Variants in EIF4G3 observed in about 807,000 individuals in gnomAD.
EIF4G3 encodes eukaryotic translation initiation factor 4 gamma 3.
EIF4G3 carries 34 observed loss-of-function variants against 186.4 expected under a neutral mutation model. That is an observed-to-expected ratio of 0.18 (90% CI 0.14 to 0.24). The LOEUF (loss-of-function observed/expected upper bound fraction) is 0.24, where lower values mean the gene tolerates loss of function less well. EIF4G3 is among the 10% of genes least tolerant of loss of function. EIF4G3 has a pLI of 1.00. For synonymous variants in EIF4G3, 673 were observed against 679.5 expected (o/e 0.99, Z 0.15); for missense variants, 1,536 against 1,948.5 (o/e 0.79, Z 3.99).
At chr1:20,922,588 C>T (rs1276048672) in intron 14 of EIF4G3, among the ~76,000 whole-genome samples, 3 of 152,214 alleles carry the variant, frequency 2.0e-5, no homozygotes, top group Non-Finnish European at 4.4e-5. Flanking sequence ...TGAGCCACCA[C>T]GTCCAGCATT....
intron 12 of EIF4G3, among the ~76,000 whole-genome samples, chr1:20,968,386 G>A (rs1331040182): frequency 6.6e-6 from 1 of 152,068 alleles, no homozygotes; most frequent in African/African-American, 2.4e-5. Flanking sequence ...CACCATGTTG[G>A]CTAGATTGGT....
intron 36 of EIF4G3, among the ~76,000 whole-genome samples, chr1:20,809,460 C>T (rs1054355226): frequency 6.6e-5 from 10 of 152,066 alleles, no homozygotes; most frequent in South Asian, 2.1e-4. Flanking sequence ...ATGTACTGCC[C>T]GCTTTAACAA....
chr1:21,101,419 G>A (rs2096517125), intron 2 of EIF4G3, among the ~76,000 whole-genome samples: 1 of 151,678 alleles, frequency 6.6e-6, no homozygotes, highest in Non-Finnish European at 1.5e-5. Context: ...AAATACAAAA[G>A]TTAGCCAGAC....
At position 20,886,297 on chromosome 1, in the gene EIF4G3, T is replaced by C. The variant is rs373808862; in HGVS notation, c.2328A>G (p.Val776=). 5 of 1,614,040 alleles carry C rather than the reference T, an allele frequency of 3.1e-6. No individual in the cohort carries two copies. The African/African-American group carries it at 6.7e-5, about 22-fold the overall frequency. Residue 776 remains valine, a synonymous_variant, in exon 19 of 37, where the codon GTA becomes GTG. Transcript: ENST00000602326. ...CCTTTTTCAGGTGTACATCTTCTTT[T>C]ACAGAAACTGTGATGATCTTTCTGG... is the stretch of plus-strand genomic sequence containing the variant. ...REPRKIITVS[V]KEDVHLKKAE... is the part of the protein sequence containing the mutation.
chr1:20,994,706 C>A (rs1249446022), intron 7 of EIF4G3, among the ~76,000 whole-genome samples: 1 of 148,874 alleles, frequency 6.7e-6, no homozygotes, highest in Non-Finnish European at 1.5e-5. Context: ...CACCTCACTG[C>A]AACTTTGACC....
chr1:20,943,692 C>T (rs549259050), intron 13 of EIF4G3, among the ~76,000 whole-genome samples: 1 of 152,124 alleles, frequency 6.6e-6, no homozygotes. Context: ...TGAGTCTTTA[C>T]AATAAATTGT....
At chr1:21,021,081 T>A (rs2090563674) in intron 4 of EIF4G3, among the ~76,000 whole-genome samples, 2 of 152,188 alleles carry the variant, frequency 1.3e-5, no homozygotes, top group African/African-American at 4.8e-5. Flanking sequence ...CCTCTCAGGT[T>A]CAAGCCATCC....
At chr1:20,996,887 A>G (rs1418585258) in intron 7 of EIF4G3, among the ~76,000 whole-genome samples, 1 of 152,194 alleles carries the variant, frequency 6.6e-6, no homozygotes, top group Non-Finnish European at 1.5e-5. Flanking sequence ...ATAAAAAGCT[A>G]CTGGGGGGTT....
At chr1:20,954,965 G>A (rs956841234) in intron 12 of EIF4G3, among the ~76,000 whole-genome samples, 8 of 152,194 alleles carry the variant, frequency 5.3e-5, no homozygotes, top group African/African-American at 1.9e-4. Flanking sequence ...GCATGTAGGA[G>A]GAAGGGCAGT....
At chr1:20,959,867 A>C (rs2096532385) in intron 12 of EIF4G3, among the ~76,000 whole-genome samples, 1 of 152,282 alleles carries the variant, frequency 6.6e-6, no homozygotes, top group South Asian at 2.1e-4. Flanking sequence ...CCATTATTAA[A>C]AAGTCAAAAA....
intron 13 of EIF4G3, among the ~76,000 whole-genome samples, chr1:20,946,396 C>T (rs1231363996): frequency 6.6e-6 from 1 of 152,156 alleles, no homozygotes; most frequent in Admixed American, 6.5e-5. Context: ...ACTATCAATA[C>T]CAAGCAAAAA....
Position 20,895,358 on chromosome 1 carries a change from C to T in EIF4G3, c.2133+10G>A, listed in dbSNP as rs546150229. ...AAAAAGAACTAGTTTTCTCTGAGTACGCAGCTTACCTTGTCAAGAACCACA... is the reference window on the plus strand; with the variant it reads ...AAAAAGAACTAGTTTTCTCTGAGTATGCAGCTTACCTTGTCAAGAACCACA... On this transcript the variant is annotated intron_variant, in intron 17 of 36. Coordinates refer to ENST00000602326, the MANE Select transcript of EIF4G3 (RefSeq NM_001391906.1). 2.7e-5 allele frequency: 43 copies of T among 1,610,670 alleles called. No homozygotes were observed. The highest frequency in any genetic ancestry group is 9.3e-5 in the African/African-American group (7 of 74,878).
intron 2 of EIF4G3, among the ~76,000 whole-genome samples, chr1:21,100,484 T>C (rs1366633940): frequency 1.3e-5 from 2 of 152,140 alleles, no homozygotes; most frequent in African/African-American, 4.8e-5. Context: ...GTTCTACCAC[T>C]CTCACCCCAG....
intron 10 of EIF4G3, among the ~76,000 whole-genome samples, chr1:20,978,454 C>A (rs1435080184): frequency 6.6e-6 from 1 of 152,112 alleles, no homozygotes; most frequent in Non-Finnish European, 1.5e-5. Flanking sequence ...CCCTTTTCTG[C>A]AATTTCAGTT....
At chr1:21,039,788 T>C (rs553676882) in intron 4 of EIF4G3, among the ~76,000 whole-genome samples, 25 of 152,048 alleles carry the variant, frequency 1.6e-4, no homozygotes, top group Non-Finnish European at 3.4e-4. Context: ...CCAGAACATA[T>C]AAAGAACTCC....
At chr1:20,906,286 T>C (rs913783783) in intron 14 of EIF4G3, among the ~76,000 whole-genome samples, 1 of 152,202 alleles carries the variant, frequency 6.6e-6, no homozygotes, top group Non-Finnish European at 1.5e-5. Context: ...AGCAGTTGTC[T>C]CTTTGCATTT....
intron 22 of EIF4G3, among the ~76,000 whole-genome samples, chr1:20,862,581 C>T (rs2076603193): frequency 6.6e-6 from 1 of 151,880 alleles, no homozygotes; most frequent in African/African-American, 2.4e-5. Context: ...CCTGGCTAAT[C>T]TTTTAATTTT....
intron 4 of EIF4G3, among the ~76,000 whole-genome samples, chr1:21,041,505 A>C (rs1014631283): frequency 6.6e-6 from 1 of 152,274 alleles, no homozygotes; most frequent in African/African-American, 2.4e-5. Context: ...CAACTGCACT[A>C]AACAGGCATG....
At chr1:21,095,076 A>G (rs941767986) in intron 2 of EIF4G3, among the ~76,000 whole-genome samples, 11 of 152,268 alleles carry the variant, frequency 7.2e-5, no homozygotes, top group African/African-American at 2.6e-4. Context: ...CAAAAACCCT[A>G]TTGGAAAGCA....
Sources: gnomAD v4.1 joint callset for allele counts (sites outside exome capture counted in the v4.1 genomes callset) on GRCh38, gnomAD v4.1.1 for gene constraint, MANE v1.5 for transcripts, NCBI Gene and HGNC (gene_info 2026-07-23, HGNC 2026-07-21) for gene names.